Variants in ST6GALNAC3 observed in about 807,000 individuals in gnomAD.
ST6GALNAC3 encodes the protein ST6 N-acetylgalactosaminide alpha-2,6-sialyltransferase 3.
ST6GALNAC3 carries 25 observed loss-of-function variants against 32.7 expected under a neutral mutation model. That is an observed-to-expected ratio of 0.76 (90% confidence interval 0.56 to 1.07). The LOEUF is 1.07. Among genes scored for constraint, ST6GALNAC3 ranks in the 50% least tolerant of loss-of-function variants. The pLI is 0.00. For missense variants in ST6GALNAC3, 355 were observed against 382.4 expected (o/e 0.93, Z 0.60); for synonymous variants, 129 against 133.1 (o/e 0.97, Z 0.21).
At chr1:76,154,682 T>G (rs565507786) in intron 1 of ST6GALNAC3, among the ~76,000 whole-genome samples, 1 of 152,300 alleles carries the variant, frequency 6.6e-6, no homozygotes, top group African/African-American at 2.4e-5. Flanking sequence ...TGACAGGAGA[T>G]GAGGACTTGA....
intron 3 of ST6GALNAC3, among the ~76,000 whole-genome samples, chr1:76,535,628 G>A (rs1382633190): frequency 1.3e-5 from 2 of 152,150 alleles, no homozygotes; most frequent in Non-Finnish European, 2.9e-5. Flanking sequence ...AATGGAAACA[G>A]AATAGAGCTG....
intron 3 of ST6GALNAC3, among the ~76,000 whole-genome samples, chr1:76,500,989 A>C (rs925079769): frequency 1.3e-5 from 2 of 152,220 alleles, no homozygotes; most frequent in African/African-American, 4.8e-5. Context: ...CCCTTCCTGG[A>C]ATAATACATT....
intron 3 of ST6GALNAC3, among the ~76,000 whole-genome samples, chr1:76,534,607 C>G (rs1663480837): frequency 6.6e-6 from 1 of 152,182 alleles, no homozygotes; most frequent in South Asian, 2.1e-4. Flanking sequence ...CTCCTATACT[C>G]TTTCCTTTCC....
intron 1 of ST6GALNAC3, among the ~76,000 whole-genome samples, chr1:76,080,871 C>G (rs1282625416): frequency 6.6e-6 from 1 of 152,164 alleles, no homozygotes. Context: ...CCAGGAAATG[C>G]TGAATTCTCA....
At chr1:76,418,410 AAAC>A (rs1176389806) in intron 3 of ST6GALNAC3, among the ~76,000 whole-genome samples, 1 of 152,088 alleles carries the variant, frequency 6.6e-6, no homozygotes, top group East Asian at 1.9e-4. Context: ...AACCAAAATA[AAAC>A]AACTATGCTA....
chr1:76,126,236 T>C (rs1049194314), intron 1 of ST6GALNAC3, among the ~76,000 whole-genome samples: 14 of 152,316 alleles, frequency 9.2e-5, no homozygotes, highest in Middle Eastern at 3.4e-3. Context: ...CGTCCATCTT[T>C]TTAGTATTTT....
intron 3 of ST6GALNAC3, among the ~76,000 whole-genome samples, chr1:76,522,830 C>T (rs908876189): frequency 5.3e-5 from 8 of 152,202 alleles, no homozygotes; most frequent in Non-Finnish European, 1.0e-4. Flanking sequence ...GCTGTTGCAG[C>T]TCACACATGC....
chr1:76,089,893 T>C (rs780510506), intron 1 of ST6GALNAC3, among the ~76,000 whole-genome samples: 16 of 152,214 alleles, frequency 1.1e-4, no homozygotes, highest in Non-Finnish European at 2.2e-4. Flanking sequence ...TTACCTTATG[T>C]GAGTAAACTT....
At position 76,197,976 on chromosome 1, in the gene ST6GALNAC3, G is replaced by T. The variant is rs557247703; in HGVS notation, c.19-115829G>T. On this transcript the variant is annotated intron_variant, in intron 1 of 4. Transcript: ENST00000328299. ...AAATGTACCTTGTGGAAGTAAAATT[G>T]CCCCTGGTTGAAAACAACTGTTACA... 7.9e-5 allele frequency among the ~76,000 whole-genome samples: 12 copies of T among 152,254 alleles called. 2 individuals carry two copies. Among genetic ancestry groups the T allele is most frequent in the African/African-American group, 2.9e-4 (12 of 41,540 alleles).
intron 2 of ST6GALNAC3, among the ~76,000 whole-genome samples, chr1:76,384,300 G>A (rs924626915): frequency 1.4e-4 from 21 of 152,068 alleles, no homozygotes; most frequent in Admixed American, 4.6e-4. Context: ...AATAAAAGAT[G>A]CCATGACATA....
intron 2 of ST6GALNAC3, among the ~76,000 whole-genome samples, chr1:76,337,389 C>T (rs114840511): frequency 2.0e-5 from 3 of 152,164 alleles, no homozygotes; most frequent in South Asian, 2.1e-4. Flanking sequence ...CAGAAATAGT[C>T]GGGAAATTAC....
intron 3 of ST6GALNAC3, among the ~76,000 whole-genome samples, chr1:76,541,818 A>G (rs140957844): frequency 6.6e-6 from 1 of 152,302 alleles, no homozygotes; most frequent in African/African-American, 2.4e-5. Flanking sequence ...CACCTGTTGC[A>G]GAATGCCACA....
At chr1:76,601,467 A>C (rs1371862518) in intron 3 of ST6GALNAC3, among the ~76,000 whole-genome samples, 1 of 152,196 alleles carries the variant, frequency 6.6e-6, no homozygotes, top group Non-Finnish European at 1.5e-5. Context: ...TAGCTCCGGA[A>C]GTAAAGGAAT....
chr1:76,188,361 C>CA (rs968896536), intron 1 of ST6GALNAC3, among the ~76,000 whole-genome samples: 67 of 149,378 alleles, frequency 4.5e-4, no homozygotes, highest in East Asian at 9.8e-4. Context: ...GACTCCATCT[C>CA]AAAAAAAAAC....
intron 2 of ST6GALNAC3, among the ~76,000 whole-genome samples, chr1:76,387,336 A>T (rs1228539533): frequency 6.6e-6 from 1 of 152,144 alleles, no homozygotes; most frequent in East Asian, 1.9e-4. Context: ...CCTGGCACAT[A>T]GTAAGTGCTC....
At chr1:76,077,101 G>A (rs1002885174) in intron 1 of ST6GALNAC3, among the ~76,000 whole-genome samples, 1 of 152,272 alleles carries the variant, frequency 6.6e-6, no homozygotes, top group East Asian at 1.9e-4. Context: ...GCAGAATACA[G>A]GTTTCAGTCC....
intron 3 of ST6GALNAC3, among the ~76,000 whole-genome samples, chr1:76,549,892 G>C (rs1335784173): frequency 6.6e-6 from 1 of 152,132 alleles, no homozygotes; most frequent in Non-Finnish European, 1.5e-5. Context: ...GTGTGAAATG[G>C]CATCACATCA....
At chr1:76,081,575 C>T (rs1557597333) in intron 1 of ST6GALNAC3, among the ~76,000 whole-genome samples, 1 of 152,092 alleles carries the variant, frequency 6.6e-6, no homozygotes, top group African/African-American at 2.4e-5. Context: ...TTTAAGTTTC[C>T]TTTGTGACAG....
At chr1:76,611,726 G>T (rs1236378823) in intron 3 of ST6GALNAC3, among the ~76,000 whole-genome samples, 1 of 152,088 alleles carries the variant, frequency 6.6e-6, no homozygotes, top group Non-Finnish European at 1.5e-5. Flanking sequence ...AAATTTTGGT[G>T]GTCTGTTGCA....
Sources: allele counts gnomAD v4.1 joint callset (sites outside exome capture counted in the v4.1 genomes callset), GRCh38; gene constraint gnomAD v4.1.1; transcripts MANE v1.5; gene names NCBI Gene and HGNC (gene_info 2026-07-23, HGNC 2026-07-21).